ARHGEF26: variants seen among roughly 807,000 people sequenced by gnomAD.
ARHGEF26 encodes the protein Rho guanine nucleotide exchange factor 26.
In ARHGEF26, 59 loss-of-function variants were observed where a neutral mutation model predicts 89.4. The ratio of observed to expected loss-of-function variants is 0.66; its 90% CI spans 0.54 to 0.82. The LOEUF is 0.82. Among genes scored for constraint, ARHGEF26 ranks in the 40% least tolerant of loss-of-function variants. ARHGEF26 has a pLI of 0.00. For missense variants in ARHGEF26, 1,234 were observed against 1,085.6 expected (o/e 1.14, Z -1.92); for synonymous variants, 500 against 428.4 (o/e 1.17, Z -2.06).
intron 10 of ARHGEF26, among the ~76,000 whole-genome samples, chr3:154,219,900 C>T (rs932628806): frequency 1.3e-5 from 2 of 150,664 alleles, no homozygotes; most frequent in African/African-American, 2.4e-5. Flanking sequence ...GGCGACAGAG[C>T]GAGACTCCGT....
At chr3:154,144,761 A>G (rs555789980) in intron 4 of ARHGEF26, among the ~76,000 whole-genome samples, 2 of 152,290 alleles carry the variant, frequency 1.3e-5, no homozygotes, top group East Asian at 3.9e-4. Context: ...GAGGCTGAGT[A>G]CTTGCTATTT....
At chr3:154,242,354 A>C (rs1431739628) in intron 12 of ARHGEF26, among the ~76,000 whole-genome samples, 1 of 152,228 alleles carries the variant, frequency 6.6e-6, no homozygotes, top group Non-Finnish European at 1.5e-5. Context: ...GGAGTTGGGA[A>C]AAGTTGATTC....
chr3:154,124,522 G>C (rs1718208300), intron 3 of ARHGEF26, 73 bp downstream of exon 3: 1 of 1,318,438 alleles, frequency 7.6e-7, no homozygotes, highest in African/African-American at 1.5e-5. Context: ...AAATCCAACT[G>C]CAGTAACAAA....
In ARHGEF26 at chr3:154,132,936, C is replaced by T. The variant is rs571167773; in HGVS notation, c.1269+3217C>T. Among the ~76,000 whole-genome samples the T allele has an allele frequency of 7.9e-5, 12 of 152,122 alleles. No individual in the cohort carries two copies. In the South Asian group the frequency reaches 2.5e-3, roughly 32 times the overall value. On this transcript the variant is annotated intron_variant, in intron 4 of 14. Coordinates refer to ENST00000465093, the MANE Select transcript of ARHGEF26 (RefSeq NM_015595.4). ...TTCTTAAAGACAAGGGGTTTTCTGG[C>T]AGTGGGTTAGGTCTCAGTTCGGCAT...
At chr3:154,236,211 G>A (rs918747306) in intron 11 of ARHGEF26, among the ~76,000 whole-genome samples, 2 of 152,112 alleles carry the variant, frequency 1.3e-5, no homozygotes, top group African/African-American at 4.8e-5. Flanking sequence ...TTCTCTACTA[G>A]TAGTTCTTTA....
chr3:154,164,322 A>G (rs1711858321), intron 6 of ARHGEF26, among the ~76,000 whole-genome samples: 1 of 152,100 alleles, frequency 6.6e-6, no homozygotes, highest in Non-Finnish European at 1.5e-5. Context: ...GTATATTATT[A>G]CCATTCTCTA....
chr3:154,122,437 A>T lies in ARHGEF26; in HGVS notation c.445A>T (p.Thr149Ser), dbSNP rs775649125. The T allele has an allele frequency of 2.5e-6, 4 of 1,610,650 alleles. No homozygotes were observed. The Admixed American group carries it at 5.0e-5, about 20-fold the overall frequency. Residue 149 changes from threonine to serine, a missense_variant, in exon 2 of 15, where the codon ACT becomes TCT. Thr to Ser is a moderately conservative substitution (Grantham distance 58). Transcript: ENST00000465093. ...GCCGCCGGTTCTGCGCCCCCCGCGG[A>T]CTCCTAACGCGCCCGCCCCCTGCAC... ...PPPPVLRPPR[T>S]PNAPAPCTPE...
intron 9 of ARHGEF26, among the ~76,000 whole-genome samples, chr3:154,210,990 G>C (rs1267149204): frequency 6.6e-6 from 1 of 151,526 alleles, no homozygotes; most frequent in Non-Finnish European, 1.5e-5. Context: ...TGGAACGGGG[G>C]CCTCACAACA....
chr3:154,207,033 T>C (rs896393238), intron 9 of ARHGEF26, among the ~76,000 whole-genome samples: 1 of 152,152 alleles, frequency 6.6e-6, no homozygotes, highest in Non-Finnish European at 1.5e-5. Flanking sequence ...ATTAAATAAA[T>C]GGTACTGGAA....
chr3:154,142,902 A>G (rs932909639), intron 4 of ARHGEF26, among the ~76,000 whole-genome samples: 6 of 152,072 alleles, frequency 3.9e-5, no homozygotes, highest in African/African-American at 1.4e-4. Flanking sequence ...CTCAGTTTGG[A>G]CTTGATTAAA....
chr3:154,233,196 C>A (rs1244062331), intron 11 of ARHGEF26, among the ~76,000 whole-genome samples: 4 of 152,128 alleles, frequency 2.6e-5, no homozygotes, highest in Non-Finnish European at 4.4e-5. Flanking sequence ...TGCCATATTT[C>A]ATTCCTTTAA....
At chr3:154,140,291 G>T (rs1447760972) in intron 4 of ARHGEF26, among the ~76,000 whole-genome samples, 2 of 152,182 alleles carry the variant, frequency 1.3e-5, no homozygotes, top group Non-Finnish European at 2.9e-5. Flanking sequence ...TGCCACGAGG[G>T]TAAGTACAAA....
intron 4 of ARHGEF26, among the ~76,000 whole-genome samples, chr3:154,142,603 A>G (rs1349658050): frequency 1.3e-5 from 2 of 151,952 alleles, no homozygotes; most frequent in African/African-American, 4.8e-5. Context: ...TAAGTAGCTT[A>G]TTGTTTTGGA....
intron 9 of ARHGEF26, among the ~76,000 whole-genome samples, chr3:154,208,420 C>CT (rs1184151451): frequency 2.0e-5 from 3 of 152,016 alleles, no homozygotes; most frequent in African/African-American, 7.2e-5. Context: ...TTGAGGTAGT[C>CT]TTTTTTGGGT....
At chr3:154,219,770 C>G (rs192243766) in intron 10 of ARHGEF26, among the ~76,000 whole-genome samples, 267 of 151,666 alleles carry the variant, frequency 1.8e-3, no homozygotes, top group African/African-American at 6.2e-3. Flanking sequence ...AAAAATTAGC[C>G]GGGCGTGGTG....
At chr3:154,185,621 C>T (rs1025979235) in intron 6 of ARHGEF26, among the ~76,000 whole-genome samples, 8 of 152,126 alleles carry the variant, frequency 5.3e-5, no homozygotes, top group African/African-American at 1.9e-4. Flanking sequence ...GTTCATCGAC[C>T]CTCCCTAACC....
intron 9 of ARHGEF26, among the ~76,000 whole-genome samples, chr3:154,217,034 C>A (rs565922359): frequency 1.3e-5 from 2 of 148,430 alleles, no homozygotes; most frequent in Non-Finnish European, 3.0e-5. Context: ...ATTTATAGTC[C>A]TTTGGGTATA....
intron 7 of ARHGEF26, among the ~76,000 whole-genome samples, chr3:154,188,937 G>T (rs772977450): frequency 1.4e-4 from 22 of 152,248 alleles, no homozygotes; most frequent in South Asian, 2.1e-4. Context: ...AGTCTTTGTG[G>T]TGGGCTGTCC....
rs577498322 is a variant in ARHGEF26 at position 154,166,817 on chromosome 3, A to C, written c.1487+13885A>C. Among the ~76,000 whole-genome samples, 32 of 152,310 alleles carry C rather than the reference A, an allele frequency of 2.1e-4. 1 individual carries two copies. In the South Asian group the frequency reaches 6.0e-3, roughly 29 times the overall value. The stretch of plus-strand genomic sequence containing the variant: ...CAACCACTGAAAGTAATAAATGTAC[A>C]TGGTGTAAAATTCAAATACTGCCAA... On this transcript the variant is annotated intron_variant, in intron 6 of 14. Transcript: ENST00000465093.
Sources: allele counts gnomAD v4.1 joint callset (sites outside exome capture counted in the v4.1 genomes callset), GRCh38; gene constraint gnomAD v4.1.1; transcripts MANE v1.5; gene names NCBI Gene and HGNC (gene_info 2026-07-23, HGNC 2026-07-21).